Variants in LHX4 observed in about 807,000 individuals in gnomAD.
LHX4 encodes LIM homeobox 4.
In LHX4, 16 loss-of-function variants were observed where a neutral mutation model predicts 39.2. The ratio of observed to expected loss-of-function variants is 0.41; its 90% CI spans 0.28 to 0.62. The LOEUF (loss-of-function observed/expected upper bound fraction) is 0.62. Ranked by LOEUF, LHX4 falls within the 20% of genes least tolerant of loss-of-function variation. The probability of loss-of-function intolerance (pLI) is 0.33; values close to 1 mark genes in which losing one functional copy is unlikely to be tolerated. For missense variants in LHX4, 439 were observed against 511.9 expected, an observed-to-expected ratio of 0.86 and a Z score of 1.37; for synonymous variants, 206 against 198.1, an observed-to-expected ratio of 1.04 and a Z score of -0.33.
chr1:180,256,603 T>C (rs1647866512), intron 2 of LHX4, among the ~76,000 whole-genome samples: 1 of 152,228 alleles, frequency 6.6e-6, no homozygotes, highest in African/African-American at 2.4e-5. Context: ...GACCTGCAGA[T>C]GCCCAGGTGG....
rs1649076878 is a variant in LHX4 at position 180,276,992 on chromosome 1, A to G, written c.*2413A>G. The G allele has an allele frequency of 1.3e-5, 2 of 152,212 alleles. No individual in the cohort carries two copies. Among genetic ancestry groups the G allele is most frequent in the African/African-American group, 4.8e-5 (2 of 41,448 alleles). The allele number at this position is 152,212 out of a possible 1,614,324, so 9.4% of individuals were successfully genotyped here. ...ATATAATAAATCTCTTGAGGAACTC[A>G]GTGAGCAGTTGACGAGGTCAATAGT... is the stretch of plus-strand genomic sequence containing the variant. On this transcript the variant is annotated 3_prime_UTR_variant, in exon 6 of 6. Coordinates refer to ENST00000263726, the MANE Select transcript of LHX4 (RefSeq NM_033343.4).
intron 1 of LHX4, among the ~76,000 whole-genome samples, chr1:180,235,424 T>C (rs531838815): frequency 3.9e-5 from 6 of 152,342 alleles, no homozygotes; most frequent in African/African-American, 1.4e-4. Flanking sequence ...AAAACCTCTC[T>C]TCCTCTCCAG....
At position 180,278,813 on chromosome 1, in the gene LHX4, T is replaced by C. The variant is rs1649199648; in HGVS notation, c.*4234T>C. On this transcript the variant is annotated 3_prime_UTR_variant, in exon 6 of 6. Transcript: ENST00000263726. ...CAGTTAAAGAGAAATGAAGTCTCGT[T>C]TCCTGGGGAAAAAAAAGAAAAAAAG... 6.6e-6 allele frequency: 1 copy of C among 151,308 alleles called. No individual in the cohort carries two copies. The highest frequency in any genetic ancestry group is 2.1e-4 in the South Asian group (1 of 4,800). The allele number at this position is 151,308 out of a possible 1,614,324, so 9.4% of individuals were successfully genotyped here.
At chr1:180,263,514 C>T (rs1238236860) in intron 2 of LHX4, among the ~76,000 whole-genome samples, 3 of 152,196 alleles carry the variant, frequency 2.0e-5, no homozygotes, top group Non-Finnish European at 4.4e-5. Flanking sequence ...GCGGCTCCCT[C>T]GGCAAGGGTC....
intron 1 of LHX4, among the ~76,000 whole-genome samples, chr1:180,243,640 A>G (rs578227058): frequency 2.0e-5 from 3 of 152,234 alleles, no homozygotes; most frequent in African/African-American, 7.2e-5. Context: ...GGCGCCATCA[A>G]CAGGCAGACA....
chr1:180,256,516 C>T (rs982120365), intron 2 of LHX4, among the ~76,000 whole-genome samples: 6 of 152,188 alleles, frequency 3.9e-5, no homozygotes, highest in African/African-American at 1.2e-4. Context: ...CCAGTTCCTG[C>T]GGGTGTCTGC....
intron 1 of LHX4, among the ~76,000 whole-genome samples, chr1:180,247,611 C>CTTTTGA (rs1647440985): frequency 6.6e-6 from 1 of 152,182 alleles, no homozygotes; most frequent in African/African-American, 2.4e-5. Context: ...AAAATGTGAG[C>CTTTTGA]CGCTAGGGCA....
At chr1:180,262,355 A>G (rs2149261825) in intron 2 of LHX4, among the ~76,000 whole-genome samples, 1 of 151,038 alleles carries the variant, frequency 6.6e-6, no homozygotes, top group Middle Eastern at 3.5e-3. Flanking sequence ...CTCCTTCCCT[A>G]CAAGGTGCCT....
At chr1:180,264,667 C>A (rs950076686) in intron 2 of LHX4, among the ~76,000 whole-genome samples, 1 of 152,214 alleles carries the variant, frequency 6.6e-6, no homozygotes, top group Non-Finnish European at 1.5e-5. Context: ...CTTTAAGAAT[C>A]TGATGAAAAC....
At chr1:180,231,063 G>C (rs1664164770) in intron 1 of LHX4, among the ~76,000 whole-genome samples, 1 of 152,082 alleles carries the variant, frequency 6.6e-6, no homozygotes, top group Admixed American at 6.5e-5. Flanking sequence ...GCTGGCGGCG[G>C]AGAAGCCCCG....
At position 180,275,465 on chromosome 1, in the gene LHX4, C is replaced by T. The variant is rs772828418; in HGVS notation, c.*886C>T. ...ATCAATCAGTGAACATTTGTAGACA[C>T]ATTTGGATTCCAAACCTGCAGTCTG... On this transcript the variant is annotated 3_prime_UTR_variant, in exon 6 of 6. Coordinates refer to ENST00000263726, the MANE Select transcript of LHX4 (RefSeq NM_033343.4). 1 of 152,234 alleles carries T rather than the reference C, an allele frequency of 6.6e-6. No individual in the cohort carries two copies. The highest frequency in any genetic ancestry group is 1.5e-5 in the Non-Finnish European group (1 of 68,040). 9.4% of individuals were successfully genotyped at this position (152,234 alleles called of 1,614,324 possible).
At chr1:180,268,681 T>A (rs1648441040) in intron 3 of LHX4, among the ~76,000 whole-genome samples, 1 of 152,160 alleles carries the variant, frequency 6.6e-6, no homozygotes, top group African/African-American at 2.4e-5. Flanking sequence ...GGAGGAGAAG[T>A]GCAAACAGGG....
At chr1:180,256,446 G>T (rs1647858420) in intron 2 of LHX4, among the ~76,000 whole-genome samples, 1 of 152,206 alleles carries the variant, frequency 6.6e-6, no homozygotes, top group South Asian at 2.1e-4. Flanking sequence ...GCTGGTCTCT[G>T]GTGGGCACTG....
chr1:180,265,812 A>G (rs936475329), intron 2 of LHX4, among the ~76,000 whole-genome samples: 3 of 152,082 alleles, frequency 2.0e-5, no homozygotes, highest in South Asian at 2.1e-4. Context: ...AATGGAGGTG[A>G]GGGGAGAAAT....
rs1649191935 is a variant in LHX4, at chr1:180,278,690, A to G, written c.*4111A>G. The stretch of plus-strand genomic sequence containing the variant: ...AAACAAGCAGGTTCAGGGCTGCGGG[A>G]TTCCAGAAGTTGCTCTGAGCTTGCA... On this transcript the variant is annotated 3_prime_UTR_variant, in exon 6 of 6. Coordinates refer to ENST00000263726, the MANE Select transcript of LHX4 (RefSeq NM_033343.4). 6.6e-6 allele frequency: 1 copy of G among 151,728 alleles called. No homozygotes were observed. Among genetic ancestry groups the G allele is most frequent in the African/African-American group, 2.4e-5 (1 of 41,282 alleles). The allele number at this position is 151,728 out of a possible 1,614,324, so 9.4% of individuals were successfully genotyped here. A position where few individuals can be genotyped will look rare whatever the true frequency, so the allele number is the denominator to read the frequency against.
chr1:180,232,422 T>C lies in LHX4; in HGVS notation c.76+1817T>C, dbSNP rs1201245033. Reference sequence around the variant, plus strand: ...TTGATGTTCGACGTCAGGGAGTCGCTTTGCTAAAATGCCCAGAACTCACCT... The same window carrying C: ...TTGATGTTCGACGTCAGGGAGTCGCCTTGCTAAAATGCCCAGAACTCACCT... On this transcript the variant is annotated intron_variant, in intron 1 of 5. Transcript: ENST00000263726. This position sits in a 1 kb window ranked among gnomAD's most constrained non-coding sequence, Gnocchi z 5.4. 6.6e-6 allele frequency among the ~76,000 whole-genome samples: 1 copy of C among 152,166 alleles called. No homozygotes were observed. Among genetic ancestry groups the C allele is most frequent in the Non-Finnish European group, 1.5e-5 (1 of 68,022 alleles).
chr1:180,263,697 G>C (rs1467686257), intron 2 of LHX4, among the ~76,000 whole-genome samples: 1 of 152,168 alleles, frequency 6.6e-6, no homozygotes, highest in Non-Finnish European at 1.5e-5. Context: ...ATCACTGTCG[G>C]TATGTAGATT....
At position 180,274,969 on chromosome 1, in the gene LHX4, A is replaced by G. The variant is rs995516927; in HGVS notation, c.*390A>G. 3.3e-5 allele frequency: 6 copies of G among 180,254 alleles called. No homozygotes were observed. The highest frequency in any genetic ancestry group is 7.0e-5 in the Non-Finnish European group (6 of 85,380). 11.2% of individuals were successfully genotyped at this position (180,254 alleles called of 1,614,324 possible). ...TGGTGTGTCTCACACAATGCCTCCCAAAACACTGCTCTCACCAGAACTGAG... is the reference window on the plus strand; with the variant it reads ...TGGTGTGTCTCACACAATGCCTCCCGAAACACTGCTCTCACCAGAACTGAG... On this transcript the variant is annotated 3_prime_UTR_variant, in exon 6 of 6. Transcript: ENST00000263726.
In LHX4 at chr1:180,266,691, T is replaced by A; in HGVS notation, c.451+97T>A. ...CTTCTCATGGCGTCCCACCTGCCCA[T>A]CCCTCAGAGCCCTACTCATGCACCG... On this transcript the variant is annotated intron_variant, in intron 3 of 5. Transcript: ENST00000263726. The surrounding 1 kb of genome is among the most constrained non-coding windows in gnomAD (Gnocchi z 5.7). 1 of 1,203,198 alleles carries A rather than the reference T, an allele frequency of 8.3e-7. No individual in the cohort carries two copies. The allele number at this position is 1,203,198 out of a possible 1,614,324, so 74.5% of individuals were successfully genotyped here.
Sources: gnomAD v4.1 joint callset for allele counts (sites outside exome capture counted in the v4.1 genomes callset) on GRCh38, gnomAD v4.1.1 for gene constraint, Gnocchi (gnomAD v3.1) non-coding constraint, MANE v1.5 for transcripts, NCBI Gene and HGNC (gene_info 2026-07-23, HGNC 2026-07-21) for gene names.